Variants in C1QL3 observed in about 807,000 individuals in gnomAD.
C1QL3 encodes the protein complement C1q-like protein 3.
In C1QL3, 4 loss-of-function variants were observed where a neutral mutation model predicts 16.6. The observed-to-expected ratio is 0.24, with a 90% confidence interval of 0.12 to 0.55. The LOEUF is 0.55. Among genes scored for constraint, C1QL3 ranks in the 20% least tolerant of loss-of-function variants. The pLI, the probability that C1QL3 is intolerant of heterozygous loss-of-function variation, is 0.94. For synonymous variants in C1QL3, 189 were observed against 160.2 expected (o/e 1.18, Z -1.36); for missense variants, 269 against 365.6 (o/e 0.74, Z 2.16).
At position 16,520,862 on chromosome 10, in the gene C1QL3, C is replaced by A. The variant is rs1175664128; in HGVS notation, c.204G>T (p.Arg68Ser). The change falls in exon 1 of 2, where the codon AGG (arginine) becomes AGT (serine). Residue 68 changes from arginine to serine, a missense_variant. Arg to Ser is a moderately radical substitution (Grantham distance 110). Around this residue, in one of 2 missense-constraint regions of C1QL3, gnomAD observed 246 missense variants for 297.2 expected, o/e 0.83. Coordinates refer to ENST00000298943, the MANE Select transcript of C1QL3 (RefSeq NM_001010908.2). This position sits in a 1 kb window ranked among gnomAD's most constrained non-coding sequence, Gnocchi z 8.3. ...GCCCGCGCGGACCCGCCTTCCCGGG[C>A]CTGCCGGCCTCGCCTTTGGGGCCCT... ...FIQGPKGEAG[R>S]PGKAGPRGPP... The A allele has an allele frequency of 2.7e-6, 4 of 1,456,160 alleles. No individual in the cohort carries two copies. The Admixed American group carries it at 9.9e-5, about 36-fold the overall frequency. The allele number at this position is 1,456,160 out of a possible 1,614,324, so 90.2% of individuals were successfully genotyped here. A position where few individuals can be genotyped will look rare whatever the true frequency, so the allele number is the denominator to read the frequency against.
chr10:16,520,723 C>T lies in C1QL3; in HGVS notation c.343G>A (p.Ala115Thr). 2 of 1,528,358 alleles carry T rather than the reference C, an allele frequency of 1.3e-6. No individual in the cohort carries two copies. The highest frequency in any genetic ancestry group is 1.8e-6 in the Non-Finnish European group (2 of 1,135,594). 94.7% of individuals were successfully genotyped at this position (1,528,358 alleles called of 1,614,324 possible). ...PGAPGLNAAGAISAATYSTVP... is the reference protein window; with the variant it reads ...PGAPGLNAAGTISAATYSTVP... Reference sequence around the variant, plus strand: ...GTGCTGTAGGTGGCGGCGCTGATGGCCCCGGCCGCGTTCAGGCCGGGCGCC... The same window carrying T: ...GTGCTGTAGGTGGCGGCGCTGATGGTCCCGGCCGCGTTCAGGCCGGGCGCC... The change falls in exon 1 of 2, where the codon GCC becomes ACC. Residue 115 changes from alanine (A) to threonine (T), a missense_variant. By Grantham distance (58) the Ala-to-Thr change is moderately conservative (BLOSUM62 0). This residue lies in a region of C1QL3 where 246 missense variants were observed against 297.2 expected (regional missense o/e 0.83). Coordinates refer to ENST00000298943, the MANE Select transcript of C1QL3 (RefSeq NM_001010908.2). This position sits in a 1 kb window ranked among gnomAD's most constrained non-coding sequence, Gnocchi z 8.3.
At position 16,513,880 on chromosome 10, in the gene C1QL3, A is replaced by G. The variant is rs1215557035; in HGVS notation, c.*648T>C. On this transcript the variant is annotated 3_prime_UTR_variant, in exon 2 of 2. Coordinates refer to ENST00000298943, the MANE Select transcript of C1QL3 (RefSeq NM_001010908.2). ...TCTATTTTTAAAGACTATCACCAGA[A>G]AAGAGAGAAAAGAAAATTCATATAA... 1 of 154,974 alleles carries G rather than the reference A, an allele frequency of 6.5e-6. No individual in the cohort carries two copies. Among genetic ancestry groups the G allele is most frequent in the Non-Finnish European group, 1.4e-5 (1 of 69,736 alleles). 9.6% of individuals were successfully genotyped at this position (154,974 alleles called of 1,614,324 possible). A position where few individuals can be genotyped will look rare whatever the true frequency, so the allele number is the denominator to read the frequency against.
chr10:16,520,673 G>T lies in C1QL3; in HGVS notation c.393C>A (p.Ala131=). 2.5e-6 allele frequency: 4 copies of T among 1,608,720 alleles called. No homozygotes were observed. The highest frequency in any genetic ancestry group is 3.4e-6 in the Non-Finnish European group (4 of 1,177,622). Residue 131 remains alanine (A), a synonymous_variant, in exon 1 of 2, where the codon GCC becomes GCA. Transcript: ENST00000298943. This position sits in a 1 kb window ranked among gnomAD's most constrained non-coding sequence, Gnocchi z 8.3. ...YSTVPKIAFY[A]GLKRQHEGYE... ...AGCCTTCATGCTGCCGCTTGAGGCCGGCGTAGAAGGCGATCTTGGGCACCG... is the reference window on the plus strand; with the variant it reads ...AGCCTTCATGCTGCCGCTTGAGGCCTGCGTAGAAGGCGATCTTGGGCACCG...
At chr10:16,519,546 T>C (rs1336844874) in intron 1 of C1QL3, among the ~76,000 whole-genome samples, 1 of 152,160 alleles carries the variant, frequency 6.6e-6, no homozygotes, top group Non-Finnish European at 1.5e-5. Flanking sequence ...GCTTCGGTTT[T>C]GCAATGACCT....
In C1QL3 at chr10:16,514,216, A is replaced by T; in HGVS notation, c.*312T>A. On this transcript the variant is annotated 3_prime_UTR_variant, in exon 2 of 2. Coordinates refer to ENST00000298943, the MANE Select transcript of C1QL3 (RefSeq NM_001010908.2). ...GTACACCAAAGTATCATATATATAG[A>T]AGAAATAATTCAATGTCTTAGATTT... 2.3e-6 allele frequency: 1 copy of T among 430,740 alleles called. No individual in the cohort carries two copies. 26.7% of individuals were successfully genotyped at this position (430,740 alleles called of 1,614,324 possible).
At chr10:16,514,981 A>G (rs544762907) in intron 1 of C1QL3, among the ~76,000 whole-genome samples, 1 of 152,132 alleles carries the variant, frequency 6.6e-6, no homozygotes. Context: ...CATACAATTT[A>G]TTATCTTCCT....
Position 16,521,724 on chromosome 10 carries a change from AGCGGCG to A in C1QL3, c.-665_-660del. 6.5e-6 allele frequency: 1 copy of A among 152,738 alleles called. No homozygotes were observed. The highest frequency in any genetic ancestry group is 1.5e-5 in the Non-Finnish European group (1 of 68,636). 9.5% of individuals were successfully genotyped at this position (152,738 alleles called of 1,614,324 possible). A position where few individuals can be genotyped will look rare whatever the true frequency, so the allele number is the denominator to read the frequency against. On this transcript the variant is annotated 5_prime_UTR_variant, in exon 1 of 2. Transcript: ENST00000298943. ...GCCCGGGCGTCCCCCGGGTGCGCCC[AGCGGCG>A]GCGGCGGCGGGCACGGTCGGCACGG...
In C1QL3 at chr10:16,520,912, T is replaced by C. The variant is rs913301413; in HGVS notation, c.154A>G (p.Met52Val). The C allele has an allele frequency of 1.3e-6, 2 of 1,559,050 alleles. No individual in the cohort carries two copies. The highest frequency in any genetic ancestry group is 1.7e-6 in the Non-Finnish European group (2 of 1,160,924). The change falls in exon 1 of 2, where the codon ATG becomes GTG. Residue 52 changes from methionine to valine, a missense_variant. Met to Val is a conservative substitution (Grantham distance 21, BLOSUM62 1). Around this residue, in one of 2 missense-constraint regions of C1QL3, gnomAD observed 246 missense variants for 297.2 expected, o/e 0.83. Coordinates refer to ENST00000298943, the MANE Select transcript of C1QL3 (RefSeq NM_001010908.2). This position sits in a 1 kb window ranked among gnomAD's most constrained non-coding sequence, Gnocchi z 8.3. ...STAATPDRGL[M>V]QSLPTFIQGP... ...TGGATGAAGGTGGGCAGGGACTGCA[T>C]GAGGCCGCGGTCGGGCGTGGCAGCG...
rs1280143536 is a variant in C1QL3 at position 16,521,362 on chromosome 10, G to A, written c.-297C>T. Reference sequence around the variant, plus strand: ...TGGGGGCCGGGGGAGGGGTGCGCGGGGCGCCCTCGCCCCCCGCGAGCTCCT... The same window carrying A: ...TGGGGGCCGGGGGAGGGGTGCGCGGAGCGCCCTCGCCCCCCGCGAGCTCCT... On this transcript the variant is annotated 5_prime_UTR_variant, in exon 1 of 2. Coordinates refer to ENST00000298943, the MANE Select transcript of C1QL3 (RefSeq NM_001010908.2). 1.0e-5 allele frequency: 3 copies of A among 292,008 alleles called. No individual in the cohort carries two copies. In the East Asian group the frequency reaches 1.8e-4, roughly 18 times the overall value. 18.1% of individuals were successfully genotyped at this position (292,008 alleles called of 1,614,324 possible).
intron 1 of C1QL3, among the ~76,000 whole-genome samples, chr10:16,518,541 A>G (rs529661827): frequency 9.2e-5 from 14 of 152,366 alleles, no homozygotes; most frequent in South Asian, 4.1e-4. Flanking sequence ...CAAAACGCAC[A>G]TAGAACACCT....
intron 1 of C1QL3, among the ~76,000 whole-genome samples, chr10:16,516,995 A>G (rs1293320641): frequency 3.3e-5 from 5 of 152,330 alleles, no homozygotes; most frequent in Non-Finnish European, 7.4e-5. Flanking sequence ...CCTACTCTAA[A>G]GATATAACAG....
rs1229468708 is a variant in C1QL3 at position 16,521,266 on chromosome 10, C to G, written c.-201G>C. ...GGCCGCTGCTGCCGACTCCTGCTCCCCCCGCGGAGGCTGCGGCTGGGGAGG... is the reference window on the plus strand; with the variant it reads ...GGCCGCTGCTGCCGACTCCTGCTCCGCCCGCGGAGGCTGCGGCTGGGGAGG... On this transcript the variant is annotated 5_prime_UTR_variant, in exon 1 of 2. Coordinates refer to ENST00000298943, the MANE Select transcript of C1QL3 (RefSeq NM_001010908.2). 1.9e-6 allele frequency: 1 copy of G among 534,672 alleles called. No homozygotes were observed. Among genetic ancestry groups the G allele is most frequent in the South Asian group, 2.4e-5 (1 of 41,514 alleles). The allele number at this position is 534,672 out of a possible 1,614,324, so 33.1% of individuals were successfully genotyped here.
At chr10:16,516,052 A>G (rs112225778) in intron 1 of C1QL3, among the ~76,000 whole-genome samples, 1,810 of 152,314 alleles carry the variant, frequency 0.012, 30 homozygotes, top group African/African-American at 0.041. Context: ...TGTTAAAAAA[A>G]GAAGACTCTT....
rs1211041984 is a variant in C1QL3 at position 16,520,456 on chromosome 10, C to G, written c.588+22G>C. ...CTTCCCGCGCTCCCTCCCCGCCCTCCCCGCCGCCCGCCCGCGCTCACCTGG... is the reference window on the plus strand; with the variant it reads ...CTTCCCGCGCTCCCTCCCCGCCCTCGCCGCCGCCCGCCCGCGCTCACCTGG... On this transcript the variant is annotated intron_variant, in intron 1 of 1. Coordinates refer to ENST00000298943, the MANE Select transcript of C1QL3 (RefSeq NM_001010908.2). This position sits in a 1 kb window ranked among gnomAD's most constrained non-coding sequence, Gnocchi z 8.3. The G allele has an allele frequency of 6.9e-7, 1 of 1,443,052 alleles. No homozygotes were observed. The highest frequency in any genetic ancestry group is 9.5e-7 in the Non-Finnish European group (1 of 1,056,376). The allele number at this position is 1,443,052 out of a possible 1,614,324, so 89.4% of individuals were successfully genotyped here. A position where few individuals can be genotyped will look rare whatever the true frequency, so the allele number is the denominator to read the frequency against.
intron 1 of C1QL3, among the ~76,000 whole-genome samples, chr10:16,519,702 T>C (rs768796368): frequency 3.3e-5 from 5 of 152,040 alleles, no homozygotes; most frequent in Non-Finnish European, 7.4e-5. Context: ...CTCGAACCGG[T>C]CGCCCCCCAG....
chr10:16,515,475 C>A (rs967268135), intron 1 of C1QL3, among the ~76,000 whole-genome samples: 2 of 152,104 alleles, frequency 1.3e-5, no homozygotes, highest in African/African-American at 4.8e-5. Flanking sequence ...TGCTCTGAGG[C>A]CTCTCAAGTT....
intron 1 of C1QL3, among the ~76,000 whole-genome samples, chr10:16,515,328 A>G (rs943399836): frequency 2.0e-5 from 3 of 151,680 alleles, no homozygotes; most frequent in African/African-American, 7.3e-5. Flanking sequence ...TCATTTATAC[A>G]TCTTTGATTA....
chr10:16,517,973 A>G (rs1054377590), intron 1 of C1QL3, among the ~76,000 whole-genome samples: 1 of 151,538 alleles, frequency 6.6e-6, no homozygotes, highest in Non-Finnish European at 1.5e-5. Flanking sequence ...GTCCAGAAGC[A>G]TTTCTCTCTC....
Position 16,520,822 on chromosome 10 carries a change from C to G in C1QL3, c.244G>C (p.Gly82Arg). ...GGGGGCCCCATGGGGCCGGGTGGCCCGGGCTCTCCGGGGGGCCCGCGCGGA... is the reference window on the plus strand; with the variant it reads ...GGGGGCCCCATGGGGCCGGGTGGCCGGGGCTCTCCGGGGGGCCCGCGCGGA... ...AGPRGPPGEP[G>R]PPGPMGPPGE... The change falls in exon 1 of 2, where the codon GGG becomes CGG. Residue 82 changes from glycine (G) to arginine (R), a missense_variant. By Grantham distance (125) the Gly-to-Arg change is moderately radical (BLOSUM62 -2). Around this residue, in one of 2 missense-constraint regions of C1QL3, gnomAD observed 246 missense variants for 297.2 expected, o/e 0.83. Coordinates refer to ENST00000298943, the MANE Select transcript of C1QL3 (RefSeq NM_001010908.2). The surrounding 1 kb of genome is among the most constrained non-coding windows in gnomAD (Gnocchi z 8.3). The G allele has an allele frequency of 7.3e-7, 1 of 1,362,352 alleles. No individual in the cohort carries two copies. The highest frequency in any genetic ancestry group is 9.4e-7 in the Non-Finnish European group (1 of 1,060,450). The allele number at this position is 1,362,352 out of a possible 1,614,324, so 84.4% of individuals were successfully genotyped here.
Sources: allele counts gnomAD v4.1 joint callset (sites outside exome capture counted in the v4.1 genomes callset), GRCh38; gene constraint gnomAD v4.1.1; regional missense constraint gnomAD v4.1.1; non-coding constraint Gnocchi (gnomAD v3.1); transcripts MANE v1.5; gene names NCBI Gene and HGNC (gene_info 2026-07-23, HGNC 2026-07-21).